Variants in RAD21L1 observed in about 807,000 individuals in gnomAD.
The protein encoded by RAD21L1 is RAD21 cohesin complex component like 1, also known as double-strand-break repair protein rad21-like protein 1.
A neutral mutation model predicts 69.0 loss-of-function variants in RAD21L1; 47 were observed. The observed-to-expected ratio is 0.68, with a 90% CI of 0.54 to 0.87. The LOEUF is 0.87. RAD21L1 is among the 40% of genes least tolerant of loss of function. RAD21L1 has a pLI of 0.00. For synonymous variants in RAD21L1, 177 were observed against 205.8 expected, an observed-to-expected ratio of 0.86 and a Z score of 1.20; for missense variants, 583 against 647.6, an observed-to-expected ratio of 0.90 and a Z score of 1.08.
chr20:1,236,102 A>T lies in RAD21L1; in HGVS notation c.475+1911A>T, dbSNP rs562039731. The stretch of plus-strand genomic sequence containing the variant: ...TTTAACTATACTTTCTGTCAGCTTC[A>T]TACTAGTGCTGGGTTGTTTGTTTGT... On this transcript the variant is annotated intron_variant, in intron 5 of 13. Transcript: ENST00000683101. Among the ~76,000 whole-genome samples, 143 of 152,182 alleles carry T rather than the reference A, an allele frequency of 9.4e-4. 1 individual carries two copies. Among genetic ancestry groups the T allele is most frequent in the African/African-American group, 3.3e-3 (138 of 41,524 alleles).
At chr20:1,248,775 A>C (rs938347039) in intron 13 of RAD21L1, 72 bp downstream of exon 13, 1 of 862,362 alleles carries the variant, frequency 1.2e-6, no homozygotes, top group Non-Finnish European at 1.7e-6. Context: ...AAGCTTCCAT[A>C]TATTAATGAA....
At chr20:1,230,506 C>A (rs4814030) in intron 3 of RAD21L1, 32,399 of 692,972 alleles carry the variant, frequency 0.047, 1,071 homozygotes, top group Admixed American at 0.13. Flanking sequence ...AATTTATATA[C>A]CATCTGTTTC....
rs1332240734 is a variant in RAD21L1 at position 1,255,594 on chromosome 20, A to G, written c.*1137A>G. 6.6e-6 allele frequency among the ~76,000 whole-genome samples: 1 copy of G among 152,230 alleles called. No individual in the cohort carries two copies. The highest frequency in any genetic ancestry group is 1.9e-4 in the East Asian group (1 of 5,200). ...AATTTCTTTTATTTTTTAAATTAAC[A>G]TACAGAAAATTTGACTTCTTAATTT... On this transcript the variant is annotated 3_prime_UTR_variant, in exon 14 of 14. Transcript: ENST00000683101.
intron 8 of RAD21L1, 134 bp from the exon 9 acceptor site, chr20:1,242,485 A>G: frequency 1.5e-6 from 1 of 683,508 alleles, no homozygotes; most frequent in Non-Finnish European, 2.5e-6. Flanking sequence ...CGCCCACCTC[A>G]GCCTCTTGAA....
chr20:1,228,624 T>A, intron 2 of RAD21L1, 27 bp downstream of exon 2: 2 of 1,437,206 alleles, frequency 1.4e-6, no homozygotes, highest in South Asian at 2.8e-5. Context: ...AATGATAGCT[T>A]GTATTTATCA....
At chr20:1,250,133 G>A (rs1343291387) in intron 13 of RAD21L1, among the ~76,000 whole-genome samples, 2 of 151,850 alleles carry the variant, frequency 1.3e-5, no homozygotes, top group Non-Finnish European at 2.9e-5. Context: ...GCCATAGGTT[G>A]CTGAGAATGA....
chr20:1,248,787 A>G, intron 13 of RAD21L1, 84 bp downstream of exon 13: 1 of 776,722 alleles, frequency 1.3e-6, no homozygotes. Context: ...ATTAATGAAA[A>G]CGCAATAATT....
chr20:1,231,388 C>G, intron 3 of RAD21L1, 138 bp from the exon 4 acceptor site: 1 of 621,448 alleles, frequency 1.6e-6, no homozygotes. Flanking sequence ...AGAGAATGGA[C>G]TACACAAGGG....
In RAD21L1 at chr20:1,246,425, A is replaced by G. The variant is rs1361439382; in HGVS notation, c.1401+120A>G. The G allele has an allele frequency of 2.5e-5, 11 of 439,500 alleles. No homozygotes were observed. The highest frequency in any genetic ancestry group is 4.4e-5 in the Admixed American group (1 of 22,814). 27.2% of individuals were successfully genotyped at this position (439,500 alleles called of 1,614,324 possible). A position where few individuals can be genotyped will look rare whatever the true frequency, so the allele number is the denominator to read the frequency against. On this transcript the variant is annotated intron_variant, in intron 12 of 13. Coordinates refer to ENST00000683101, the MANE Select transcript of RAD21L1 (RefSeq NM_001384355.1). The surrounding 1 kb of genome is among the most constrained non-coding windows in gnomAD (Gnocchi z 4.6). ...ATGTTACTTTCTAAATTTATAATTT[A>G]AATTTGTGATTACAACAGAGATGTT...
chr20:1,231,150 G>A (rs1391447753), intron 3 of RAD21L1, among the ~76,000 whole-genome samples: 2 of 152,160 alleles, frequency 1.3e-5, no homozygotes, highest in Non-Finnish European at 2.9e-5. Context: ...GGAGGAAACT[G>A]CAAGAGCAAA....
At chr20:1,241,495 A>G (rs999068278) in intron 8 of RAD21L1, among the ~76,000 whole-genome samples, 1 of 152,150 alleles carries the variant, frequency 6.6e-6, no homozygotes, top group Non-Finnish European at 1.5e-5. Context: ...AGGCATGCAA[A>G]CAGTAAAGCA....
intron 13 of RAD21L1, among the ~76,000 whole-genome samples, chr20:1,250,971 A>G (rs527402388): frequency 3.9e-5 from 6 of 152,248 alleles, no homozygotes; most frequent in Non-Finnish European, 5.9e-5. Context: ...TTGCTTTGTC[A>G]TAAACATGGG....
At chr20:1,241,137 T>C (rs938721469) in intron 8 of RAD21L1, among the ~76,000 whole-genome samples, 1 of 152,208 alleles carries the variant, frequency 6.6e-6, no homozygotes, top group African/African-American at 2.4e-5. Context: ...ACTGAAAAAT[T>C]TTAAACTAAG....
intron 3 of RAD21L1, 121 bp downstream of exon 3, chr20:1,230,130 T>C: frequency 1.5e-6 from 1 of 671,020 alleles, no homozygotes; most frequent in Non-Finnish European, 2.3e-6. Flanking sequence ...TGAATGAATC[T>C]AAGTTTCCAT....
chr20:1,238,808 A>C (rs1393773128), intron 6 of RAD21L1, among the ~76,000 whole-genome samples: 2 of 152,032 alleles, frequency 1.3e-5, no homozygotes, highest in Non-Finnish European at 2.9e-5. Context: ...GTCCAAATGC[A>C]CATGTTTTAT....
At chr20:1,235,654 A>AG (rs2087479335) in intron 5 of RAD21L1, among the ~76,000 whole-genome samples, 1 of 152,172 alleles carries the variant, frequency 6.6e-6, no homozygotes, top group South Asian at 2.1e-4. Context: ...CTTACTGGCT[A>AG]TAACCCCAGA....
chr20:1,228,914 A>T (rs1172565556), intron 2 of RAD21L1, among the ~76,000 whole-genome samples: 2 of 152,248 alleles, frequency 1.3e-5, no homozygotes, highest in Non-Finnish European at 2.9e-5. Flanking sequence ...TCTCTTAGAA[A>T]ATAATGAACA....
intron 5 of RAD21L1, among the ~76,000 whole-genome samples, chr20:1,234,844 A>G (rs2087462974): frequency 6.6e-6 from 1 of 152,128 alleles, no homozygotes; most frequent in South Asian, 2.1e-4. Context: ...TGGGCTCACA[A>G]TCTTCCCGCC....
At chr20:1,253,523 T>C (rs1436889514) in intron 13 of RAD21L1, among the ~76,000 whole-genome samples, 1 of 152,128 alleles carries the variant, frequency 6.6e-6, no homozygotes. Flanking sequence ...TCTCGAACTC[T>C]TGACTGCAAG....
Sources: gnomAD v4.1 joint callset for allele counts (sites outside exome capture counted in the v4.1 genomes callset) on GRCh38, gnomAD v4.1.1 for gene constraint, Gnocchi (gnomAD v3.1) non-coding constraint, MANE v1.5 for transcripts, NCBI Gene and HGNC (gene_info 2026-07-23, HGNC 2026-07-21) for gene names.